DENND1A: variants seen among roughly 807,000 people sequenced by gnomAD.
DENND1A encodes the protein DENN domain containing 1A, also known as DENN domain-containing protein 1A.
Under a neutral mutation model 113.7 loss-of-function variants are expected in DENND1A, and 51 were observed. The ratio of observed to expected loss-of-function variants is 0.45; its 90% CI spans 0.36 to 0.57. DENND1A has a LOEUF of 0.57. Ranked by LOEUF, DENND1A falls within the 20% of genes least tolerant of loss-of-function variation. The probability of loss-of-function intolerance (pLI) is 0.00; values close to 1 mark genes in which losing one functional copy is unlikely to be tolerated. For synonymous variants in DENND1A, 565 were observed against 570.8 expected (o/e 0.99, Z 0.14); for missense variants, 1,258 against 1,395.9 (o/e 0.90, Z 1.57).
At position 123,516,107 on chromosome 9, in the gene DENND1A, TACACACACACACACACACACAC is replaced by T. The variant is rs199923277; in HGVS notation, c.993+41441_993+41462del. Among the ~76,000 whole-genome samples, 362 of 138,664 alleles carry T rather than the reference TACACACACACACACACACACAC, an allele frequency of 2.6e-3. 4 individuals are homozygous for T. In the East Asian group the frequency reaches 0.036, roughly 14 times the overall value. The allele number at this position is 138,664 out of a possible 152,430, so 91.0% of individuals were successfully genotyped here. A position where few individuals can be genotyped will look rare whatever the true frequency, so the allele number is the denominator to read the frequency against. On this transcript the variant is annotated intron_variant, in intron 13 of 23. Coordinates refer to ENST00000394215, the MANE Select transcript of DENND1A (RefSeq NM_001352964.2). The stretch of plus-strand genomic sequence containing the variant: ...ATATATAGATATATATACACACACA[TACACACACACACACACACACAC>T]ACACACACACACACACACACACACA...
intron 1 of DENND1A, among the ~76,000 whole-genome samples, chr9:123,891,824 C>T (rs534693310): frequency 4.7e-4 from 72 of 152,250 alleles, no homozygotes; most frequent in Middle Eastern, 3.4e-3. Context: ...TTCTCTCGAA[C>T]AATGTTTTTC....
intron 13 of DENND1A, among the ~76,000 whole-genome samples, chr9:123,496,269 G>A (rs2051906783): frequency 1.3e-5 from 2 of 152,190 alleles, no homozygotes; most frequent in Non-Finnish European, 2.9e-5. Context: ...AAACTTTGGA[G>A]GAGCATTGTC....
chr9:123,384,912 C>T (rs1414537990), intron 22 of DENND1A, among the ~76,000 whole-genome samples: 1 of 152,156 alleles, frequency 6.6e-6, no homozygotes, highest in Non-Finnish European at 1.5e-5. Flanking sequence ...CACAACACTG[C>T]ACTCCAGCCT....
chr9:123,402,465 A>G (rs1243109622), intron 21 of DENND1A: 1 of 534,178 alleles, frequency 1.9e-6, no homozygotes, highest in Non-Finnish European at 3.8e-6. Flanking sequence ...GGGACCTGCC[A>G]TGTCCCTTAC....
chr9:123,526,372 T>C (rs2054845072), intron 13 of DENND1A, among the ~76,000 whole-genome samples: 5 of 152,138 alleles, frequency 3.3e-5, no homozygotes, highest in Admixed American at 3.3e-4. Context: ...AGGGCCCTGG[T>C]CCTACCGAAT....
In DENND1A at chr9:123,440,579, G is replaced by A. The variant is rs190605511; in HGVS notation, c.1357-88C>T. 1,992 of 1,438,292 alleles carry A rather than the reference G, an allele frequency of 1.4e-3. 18 individuals are homozygous for A. In the African/African-American group the frequency reaches 0.025, roughly 18 times the overall value. 89.1% of individuals were successfully genotyped at this position (1,438,292 alleles called of 1,614,324 possible). On this transcript the variant is annotated intron_variant, in intron 18 of 23. Transcript: ENST00000394215. ...CCCACAACGAAGAGGCCTGCCAGGC[G>A]ACTCTCTCCGTGACATTCTGAGCCT...
intron 13 of DENND1A, among the ~76,000 whole-genome samples, chr9:123,484,637 T>C (rs1351845104): frequency 5.3e-5 from 8 of 152,190 alleles, no homozygotes; most frequent in Admixed American, 3.9e-4. Flanking sequence ...GTGCACCTTC[T>C]AGCCACACTG....
chr9:123,567,073 A>G (rs1446903278), intron 12 of DENND1A, among the ~76,000 whole-genome samples: 1 of 152,140 alleles, frequency 6.6e-6, no homozygotes, highest in Non-Finnish European at 1.5e-5. Context: ...TTCTAACCAA[A>G]TATGTGCATG....
intron 2 of DENND1A, among the ~76,000 whole-genome samples, chr9:123,860,848 G>A (rs1180862263): frequency 6.6e-6 from 1 of 152,156 alleles, no homozygotes; most frequent in African/African-American, 2.4e-5. Context: ...CATAAAAGTT[G>A]TGCATATTGT....
At chr9:123,598,154 A>T (rs2059779694) in intron 11 of DENND1A, among the ~76,000 whole-genome samples, 1 of 151,992 alleles carries the variant, frequency 6.6e-6, no homozygotes, top group South Asian at 2.1e-4. Context: ...ACACTGCCAA[A>T]CCTTGATGTG....
intron 5 of DENND1A, among the ~76,000 whole-genome samples, chr9:123,684,420 C>T (rs1424341263): frequency 2.0e-5 from 3 of 152,174 alleles, no homozygotes; most frequent in African/African-American, 4.8e-5. Flanking sequence ...CCTCCTAACT[C>T]GAGGTGAGAA....
chr9:123,547,843 C>T lies in DENND1A; in HGVS notation c.993+9727G>A, dbSNP rs76060780. Among the ~76,000 whole-genome samples the T allele has an allele frequency of 3.9e-3, 597 of 152,286 alleles. 6 individuals are homozygous for T. The East Asian group carries it at 0.063, about 16-fold the overall frequency. ...TATGGACACCACTATTCTAGAATGT[C>T]GCAGTCTCATCTTTCCCTTCCTCCT... On this transcript the variant is annotated intron_variant, in intron 13 of 23. Transcript: ENST00000394215.
intron 12 of DENND1A, among the ~76,000 whole-genome samples, chr9:123,562,231 A>G (rs2057800039): frequency 6.6e-6 from 1 of 152,000 alleles, no homozygotes; most frequent in Non-Finnish European, 1.5e-5. Context: ...TGCCCCACTT[A>G]ATGTTAAACT....
chr9:123,668,675 G>A (rs2063610558), intron 7 of DENND1A, among the ~76,000 whole-genome samples: 1 of 151,728 alleles, frequency 6.6e-6, no homozygotes, highest in African/African-American at 2.4e-5. Context: ...CAGCTAAAGG[G>A]GCTTGAACAA....
chr9:123,407,058 G>C (rs902799568), intron 20 of DENND1A, among the ~76,000 whole-genome samples: 1 of 151,336 alleles, frequency 6.6e-6, no homozygotes, highest in African/African-American at 2.4e-5. Context: ...GAGTGCCGCT[G>C]AATGGCTCAG....
intron 2 of DENND1A, among the ~76,000 whole-genome samples, chr9:123,827,157 T>C (rs1258633295): frequency 6.6e-6 from 1 of 152,054 alleles, no homozygotes; most frequent in East Asian, 1.9e-4. Flanking sequence ...ATATAAAAAA[T>C]TAATTATAGG....
At chr9:123,741,959 G>A (rs1371873451) in intron 5 of DENND1A, among the ~76,000 whole-genome samples, 1 of 152,200 alleles carries the variant, frequency 6.6e-6, no homozygotes, top group Non-Finnish European at 1.5e-5. Context: ...ATTCTGATGT[G>A]TCTATTCCAG....
chr9:123,578,991 T>A (rs1052855612), intron 12 of DENND1A, among the ~76,000 whole-genome samples: 1 of 152,128 alleles, frequency 6.6e-6, no homozygotes, highest in Non-Finnish European at 1.5e-5. Context: ...TGAAACAACA[T>A]GTAAATTTGG....
At chr9:123,431,322 T>C (rs895644327) in intron 19 of DENND1A, among the ~76,000 whole-genome samples, 1 of 152,174 alleles carries the variant, frequency 6.6e-6, no homozygotes. Flanking sequence ...AGTTTGAGCC[T>C]ACACCAGGTA....
Sources: gnomAD v4.1 joint callset for allele counts (sites outside exome capture counted in the v4.1 genomes callset) on GRCh38, gnomAD v4.1.1 for gene constraint, MANE v1.5 for transcripts, NCBI Gene and HGNC (gene_info 2026-07-23, HGNC 2026-07-21) for gene names.